Variants in CA10 observed in about 807,000 individuals in gnomAD.
The protein encoded by CA10 is carbonic anhydrase-related protein 10.
Under a neutral mutation model 44.2 loss-of-function variants are expected in CA10, and 14 were observed. The observed-to-expected ratio is 0.32, with a 90% CI of 0.21 to 0.50. The LOEUF is 0.50. Among genes scored for constraint, CA10 ranks in the 20% least tolerant of loss-of-function variants. The pLI, the probability that CA10 is intolerant of heterozygous loss-of-function variation, is 0.99. For missense variants in CA10, 350 were observed against 409.7 expected, an observed-to-expected ratio of 0.85 and a Z score of 1.26; for synonymous variants, 159 against 141.6, an observed-to-expected ratio of 1.12 and a Z score of -0.87.
intron 2 of CA10, among the ~76,000 whole-genome samples, chr17:51,998,300 C>G (rs1479102908): frequency 6.6e-6 from 1 of 152,076 alleles, no homozygotes; most frequent in African/African-American, 2.4e-5. Flanking sequence ...CTTAATTACA[C>G]ATTCAGACTG....
chr17:51,960,904 A>G (rs908962756), intron 2 of CA10, among the ~76,000 whole-genome samples: 1 of 152,204 alleles, frequency 6.6e-6, no homozygotes, highest in African/African-American at 2.4e-5. Context: ...TTAATCAAAC[A>G]TGAGTCTAGG....
intron 4 of CA10, among the ~76,000 whole-genome samples, chr17:51,735,422 T>C (rs182131937): frequency 1.3e-5 from 2 of 152,246 alleles, no homozygotes; most frequent in Non-Finnish European, 2.9e-5. Context: ...AAGAACTGAC[T>C]GATGGGTACT....
intron 2 of CA10, among the ~76,000 whole-genome samples, chr17:52,028,462 G>A (rs1986366896): frequency 1.3e-5 from 2 of 152,090 alleles, no homozygotes; most frequent in African/African-American, 2.4e-5. Context: ...CAGTGAAATT[G>A]GAATTGTAAA....
chr17:51,646,020 C>T (rs765183345), intron 6 of CA10, among the ~76,000 whole-genome samples: 5 of 152,170 alleles, frequency 3.3e-5, no homozygotes, highest in Non-Finnish European at 7.3e-5. Flanking sequence ...ATGAGAGTCA[C>T]GTGGAGCTGA....
At chr17:52,053,714 C>T (rs537628942) in intron 2 of CA10, among the ~76,000 whole-genome samples, 15 of 152,076 alleles carry the variant, frequency 9.9e-5, no homozygotes, top group South Asian at 2.1e-4. Context: ...TCAGGGACCC[C>T]GAATGGAGGG....
chr17:51,884,790 G>A (rs1041997583), intron 3 of CA10, among the ~76,000 whole-genome samples: 1 of 152,278 alleles, frequency 6.6e-6, no homozygotes, highest in African/African-American at 2.4e-5. Flanking sequence ...GAGGTTCTGA[G>A]GGAGAATCTG....
At chr17:51,743,150 G>A (rs1417118350) in intron 4 of CA10, among the ~76,000 whole-genome samples, 12 of 152,162 alleles carry the variant, frequency 7.9e-5, no homozygotes. Context: ...AATTCTCCGT[G>A]TACCCTTCTG....
intron 2 of CA10, among the ~76,000 whole-genome samples, chr17:52,010,373 G>T (rs1985746879): frequency 6.6e-6 from 1 of 151,876 alleles, no homozygotes; most frequent in Non-Finnish European, 1.5e-5. Context: ...TCAATGAGTG[G>T]ATAAAGAAAA....
At chr17:52,024,646 A>G (rs1345733104) in intron 2 of CA10, among the ~76,000 whole-genome samples, 2 of 152,080 alleles carry the variant, frequency 1.3e-5, no homozygotes, top group Admixed American at 1.3e-4. Flanking sequence ...CTCACAGGCT[A>G]CTTCCTCATC....
At chr17:51,973,021 A>C (rs1984336556) in intron 2 of CA10, among the ~76,000 whole-genome samples, 1 of 152,208 alleles carries the variant, frequency 6.6e-6, no homozygotes, top group African/African-American at 2.4e-5. Flanking sequence ...CCAATTGATG[A>C]GGCAGCATTC....
At chr17:52,094,364 A>C (rs1251158907) in intron 1 of CA10, among the ~76,000 whole-genome samples, 1 of 152,142 alleles carries the variant, frequency 6.6e-6, no homozygotes, top group East Asian at 1.9e-4. Flanking sequence ...ACACTAAACA[A>C]TAAAGTTTCT....
intron 1 of CA10, among the ~76,000 whole-genome samples, chr17:52,122,260 T>C (rs897372331): frequency 6.6e-6 from 1 of 152,172 alleles, no homozygotes; most frequent in Admixed American, 6.5e-5. Flanking sequence ...TCTAATGCAA[T>C]ACATTTTTTA....
chr17:52,065,842 G>A (rs1289062853), intron 2 of CA10, among the ~76,000 whole-genome samples: 2 of 152,110 alleles, frequency 1.3e-5, no homozygotes, highest in Non-Finnish European at 2.9e-5. Context: ...ATCTTGAATT[G>A]TAGTTCACAT....
chr17:51,811,852 A>G (rs536211769), intron 3 of CA10, among the ~76,000 whole-genome samples: 152 of 152,192 alleles, frequency 1.0e-3, no homozygotes, highest in Admixed American at 2.4e-3. Flanking sequence ...TGTAGATAAG[A>G]TTTACTAGGA....
At chr17:52,100,430 A>G (rs1216484073) in intron 1 of CA10, among the ~76,000 whole-genome samples, 3 of 135,138 alleles carry the variant, frequency 2.2e-5, no homozygotes, top group African/African-American at 7.3e-5. Flanking sequence ...TCTCAAGGGC[A>G]ACAGGACTCT....
Position 52,158,195 on chromosome 17 carries a change from A to G in CA10, c.-409T>C. 1 of 319,278 alleles carries G rather than the reference A, an allele frequency of 3.1e-6. No homozygotes were observed. The highest frequency in any genetic ancestry group is 2.8e-5 in the South Asian group (1 of 35,416). The allele number at this position is 319,278 out of a possible 1,614,324, so 19.8% of individuals were successfully genotyped here. A position where few individuals can be genotyped will look rare whatever the true frequency, so the allele number is the denominator to read the frequency against. ...GAGACCCCGATTCGTCTGGCGCCCC[A>G]AGAAGACATAGACGATAGCCCCCCG... On this transcript the variant is annotated 5_prime_UTR_variant, in exon 1 of 9. Coordinates refer to ENST00000451037, the MANE Select transcript of CA10 (RefSeq NM_020178.5).
At chr17:51,745,823 G>T (rs1474061834) in intron 4 of CA10, among the ~76,000 whole-genome samples, 1 of 152,024 alleles carries the variant, frequency 6.6e-6, no homozygotes, top group Non-Finnish European at 1.5e-5. Context: ...CAGAATATGG[G>T]GGAGAAAAAG....
intron 3 of CA10, among the ~76,000 whole-genome samples, chr17:51,837,840 A>G (rs1482928004): frequency 1.3e-5 from 2 of 152,322 alleles, no homozygotes; most frequent in East Asian, 1.9e-4. Context: ...TTGGAGTTTC[A>G]AATCAGTTAA....
At position 51,696,999 on chromosome 17, in the gene CA10, A is replaced by G. The variant is rs140891026; in HGVS notation, c.466-43263T>C. Among the ~76,000 whole-genome samples the G allele has an allele frequency of 4.5e-4, 69 of 152,260 alleles. No homozygotes were observed. The East Asian group carries it at 0.012, about 27-fold the overall frequency. ...CTATGTGTTTTGGCTTTGGGAAATC[A>G]GTAAACCACAGGACTTTGATTTTAA... is the stretch of plus-strand genomic sequence containing the variant. On this transcript the variant is annotated intron_variant, in intron 4 of 8. Transcript: ENST00000451037.
Sources: gnomAD v4.1 joint callset for allele counts (sites outside exome capture counted in the v4.1 genomes callset) on GRCh38, gnomAD v4.1.1 for gene constraint, MANE v1.5 for transcripts, NCBI Gene and HGNC (gene_info 2026-07-23, HGNC 2026-07-21) for gene names.